The following NIM1K variants were observed in gnomAD, a reference collection of about 807,000 sequenced individuals.
NIM1K encodes NIM1 serine/threonine protein kinase, also known as serine/threonine-protein kinase NIM1.
NIM1K carries 35 observed loss-of-function variants against 37.1 expected under a neutral mutation model. The observed-to-expected ratio is 0.94, with a 90% CI of 0.72 to 1.25. NIM1K has a LOEUF of 1.25. NIM1K is among the 50% of genes most tolerant of loss of function. NIM1K has a pLI of 0.00. For synonymous variants in NIM1K, 234 were observed against 206.6 expected, an observed-to-expected ratio of 1.13 and a Z score of -1.14; for missense variants, 564 against 548.0, an observed-to-expected ratio of 1.03 and a Z score of -0.29.
At chr5:43,268,918 T>C (rs1349312091) in intron 2 of NIM1K, among the ~76,000 whole-genome samples, 1 of 151,296 alleles carries the variant, frequency 6.6e-6, no homozygotes, top group Non-Finnish European at 1.5e-5. Context: ...GTCTCAGTGA[T>C]ATAATTTTTG....
intron 2 of NIM1K, among the ~76,000 whole-genome samples, chr5:43,261,572 T>G (rs1753031193): frequency 6.6e-6 from 1 of 152,172 alleles, no homozygotes; most frequent in Non-Finnish European, 1.5e-5. Context: ...CTGTTCATTC[T>G]GATGGTAGTT....
intron 2 of NIM1K, among the ~76,000 whole-genome samples, chr5:43,253,845 T>G (rs1752903769): frequency 6.6e-6 from 1 of 151,990 alleles, no homozygotes; most frequent in Admixed American, 6.6e-5. Flanking sequence ...GTATCTTTAG[T>G]AGAGATGGGG....
At chr5:43,274,105 A>T (rs1235161377) in intron 2 of NIM1K, among the ~76,000 whole-genome samples, 1 of 152,190 alleles carries the variant, frequency 6.6e-6, no homozygotes, top group Non-Finnish European at 1.5e-5. Flanking sequence ...GTGATTGCAC[A>T]TGAGGTGAGG....
intron 1 of NIM1K, among the ~76,000 whole-genome samples, chr5:43,198,423 A>T (rs1579951380): frequency 1.6e-5 from 2 of 126,830 alleles, no homozygotes; most frequent in African/African-American, 3.0e-5. Flanking sequence ...TTTCTTTCCT[A>T]CTTTCCTTCC....
chr5:43,261,844 C>T (rs546379334), intron 2 of NIM1K, among the ~76,000 whole-genome samples: 1 of 152,300 alleles, frequency 6.6e-6, no homozygotes, highest in Non-Finnish European at 1.5e-5. Context: ...CCAGTTTTCC[C>T]AGCACCACTT....
intron 1 of NIM1K, chr5:43,207,537 T>A (rs1273894266): frequency 1.4e-6 from 1 of 700,194 alleles, no homozygotes; most frequent in African/African-American, 1.8e-5. Context: ...CCAATCTCCA[T>A]GTCTCCAGAA....
intron 1 of NIM1K, among the ~76,000 whole-genome samples, chr5:43,235,097 T>C (rs1259683837): frequency 3.9e-5 from 6 of 152,228 alleles, no homozygotes; most frequent in Admixed American, 3.9e-4. Flanking sequence ...ACAAAAATGC[T>C]TCCAGAATAC....
intron 2 of NIM1K, among the ~76,000 whole-genome samples, chr5:43,256,226 A>G (rs1330551634): frequency 1.3e-5 from 2 of 152,154 alleles, no homozygotes; most frequent in Admixed American, 6.6e-5. Flanking sequence ...AGGCAAAAAA[A>G]GAGAGATCAG....
intron 1 of NIM1K, among the ~76,000 whole-genome samples, chr5:43,238,322 C>A (rs1436149160): frequency 3.9e-5 from 6 of 151,912 alleles, no homozygotes; most frequent in African/African-American, 2.4e-5. Context: ...GGATTACAGG[C>A]GTGAGCCACT....
At chr5:43,193,293 CCTCCTTTT>C (rs1241199835) in intron 1 of NIM1K, 1 of 151,836 alleles carries the variant, frequency 6.6e-6, no homozygotes, top group Non-Finnish European at 1.5e-5. Context: ...TCCCTCCTTC[CCTCCTTTT>C]CCCTCTTCTC....
chr5:43,204,777 C>A (rs937686605), intron 1 of NIM1K, among the ~76,000 whole-genome samples: 1 of 150,100 alleles, frequency 6.7e-6, no homozygotes, highest in Non-Finnish European at 1.5e-5. Flanking sequence ...GAGGCTGAGG[C>A]GGGTGGATTA....
chr5:43,220,458 G>A (rs1455340058), intron 1 of NIM1K, among the ~76,000 whole-genome samples: 1 of 151,910 alleles, frequency 6.6e-6, no homozygotes, highest in Non-Finnish European at 1.5e-5. Flanking sequence ...GCTAATTTTT[G>A]TATATTTAAT....
intron 2 of NIM1K, among the ~76,000 whole-genome samples, chr5:43,269,504 C>T (rs890126486): frequency 6.6e-6 from 1 of 151,988 alleles, no homozygotes; most frequent in African/African-American, 2.4e-5. Context: ...TTCAGTGGAG[C>T]ATTTATGCCA....
At chr5:43,239,216 T>C (rs1752662428) in intron 1 of NIM1K, among the ~76,000 whole-genome samples, 4 of 152,032 alleles carry the variant, frequency 2.6e-5, no homozygotes, top group Admixed American at 2.6e-4. Context: ...ATTTCTCTGC[T>C]GCTATCTCCT....
rs548774290 is a variant in NIM1K at position 43,243,863 on chromosome 5, G to C, written c.-694-1219G>C. 5.3e-5 allele frequency among the ~76,000 whole-genome samples: 8 copies of C among 152,040 alleles called. No individual in the cohort carries two copies. In the East Asian group the frequency reaches 1.5e-3, roughly 29 times the overall value. On this transcript the variant is annotated intron_variant, in intron 1 of 3. Transcript: ENST00000326035. ...GGTACACCACCACACCCTGCTAGGA[G>C]GTACAACACCACACCCTGCTAAGGG...
At chr5:43,264,318 G>A (rs1318304678) in intron 2 of NIM1K, among the ~76,000 whole-genome samples, 43 of 152,078 alleles carry the variant, frequency 2.8e-4, no homozygotes, top group Admixed American at 2.0e-3. Context: ...TATTGGATGC[G>A]TATATGTTTA....
Position 43,245,557 on chromosome 5 carries a change from T to C in NIM1K, c.-219T>C, listed in dbSNP as rs1752763597. ...GAGGGAAGGTGGGAAATGTCTTGAG[T>C]GAGGCGAGCAGCTCCTGGCTGGGCT... On this transcript the variant is annotated 5_prime_UTR_variant, in exon 2 of 4. Coordinates refer to ENST00000326035, the MANE Select transcript of NIM1K (RefSeq NM_153361.4). The C allele has an allele frequency of 2.2e-6, 1 of 460,612 alleles. No homozygotes were observed. The allele number at this position is 460,612 out of a possible 1,614,324, so 28.5% of individuals were successfully genotyped here. A position where few individuals can be genotyped will look rare whatever the true frequency, so the allele number is the denominator to read the frequency against.
chr5:43,218,123 G>A lies in NIM1K; in HGVS notation c.-695+25712G>A, dbSNP rs959720753. Among the ~76,000 whole-genome samples the A allele has an allele frequency of 2.6e-5, 4 of 152,188 alleles. 1 individual carries two copies. The East Asian group carries it at 7.7e-4, about 29-fold the overall frequency. Reference sequence around the variant, plus strand: ...TCTCCTGGGTTCAAGTGATTCTCCTGTCTCAGCCTCCTGAGTAGCTGGGAT... The same window carrying A: ...TCTCCTGGGTTCAAGTGATTCTCCTATCTCAGCCTCCTGAGTAGCTGGGAT... On this transcript the variant is annotated intron_variant, in intron 1 of 3. Transcript: ENST00000326035.
intron 2 of NIM1K, among the ~76,000 whole-genome samples, chr5:43,265,236 C>T (rs528031569): frequency 5.0e-4 from 76 of 152,270 alleles, no homozygotes; most frequent in Non-Finnish European, 8.2e-4. Context: ...CCATTCTCTC[C>T]GTCACTTTCA....
Sources: allele counts gnomAD v4.1 joint callset (sites outside exome capture counted in the v4.1 genomes callset), GRCh38; gene constraint gnomAD v4.1.1; transcripts MANE v1.5; gene names NCBI Gene and HGNC (gene_info 2026-07-23, HGNC 2026-07-21).